Variants in PAX5 observed in about 807,000 individuals in gnomAD.
PAX5 encodes the protein paired box 5, also known as paired box protein Pax-5.
PAX5 carries 9 observed loss-of-function variants against 43.7 expected under a neutral mutation model. The observed-to-expected ratio is 0.21, with a 90% CI of 0.12 to 0.36. PAX5 has a LOEUF of 0.36. PAX5 is among the 10% of genes least tolerant of loss of function. The probability of loss-of-function intolerance (pLI) is 1.00; values close to 1 mark genes in which losing one functional copy is unlikely to be tolerated. For missense variants in PAX5, 383 were observed against 532.7 expected, an observed-to-expected ratio of 0.72 and a Z score of 2.77; for synonymous variants, 228 against 214.3, an observed-to-expected ratio of 1.06 and a Z score of -0.56.
At chr9:36,848,514 C>G (rs1165220694) in intron 8 of PAX5, among the ~76,000 whole-genome samples, 2 of 152,154 alleles carry the variant, frequency 1.3e-5, no homozygotes, top group Non-Finnish European at 2.9e-5. Context: ...AGCCCGATGA[C>G]AGTGGGCTGC....
chr9:36,924,599 A>G (rs903736505), intron 6 of PAX5, among the ~76,000 whole-genome samples: 2 of 151,596 alleles, frequency 1.3e-5, no homozygotes, highest in African/African-American at 4.9e-5. Context: ...TTTCACCTGT[A>G]GTCCCAGCTA....
rs1027506836 is a variant in PAX5, at chr9:37,027,083, G to T, written c.47-6282C>A. Among the ~76,000 whole-genome samples the T allele has an allele frequency of 1.6e-4, 25 of 152,332 alleles. 1 individual carries two copies. Among genetic ancestry groups the T allele is most frequent in the African/African-American group, 4.6e-4 (19 of 41,578 alleles). The stretch of plus-strand genomic sequence containing the variant: ...GTCCCTCCTCGACCCCTCGGTCTCC[G>T]CCAGATCCTTTCTTTCTCTGCTTCT... On this transcript the variant is annotated intron_variant, in intron 1 of 9. Transcript: ENST00000358127.
intron 7 of PAX5, among the ~76,000 whole-genome samples, chr9:36,890,577 C>T (rs1827293363): frequency 6.6e-6 from 1 of 152,170 alleles, no homozygotes; most frequent in South Asian, 2.1e-4. Flanking sequence ...AATACTCAAG[C>T]AGTGGGAACA....
chr9:36,889,870 C>T (rs1389632838), intron 7 of PAX5, among the ~76,000 whole-genome samples: 1 of 145,868 alleles, frequency 6.9e-6, no homozygotes, highest in Non-Finnish European at 1.5e-5. Context: ...TCAGTTTTTG[C>T]TTAGACGCAA....
At chr9:36,942,925 A>C (rs1229657299) in intron 6 of PAX5, among the ~76,000 whole-genome samples, 1 of 152,110 alleles carries the variant, frequency 6.6e-6, no homozygotes, top group Non-Finnish European at 1.5e-5. Flanking sequence ...GCTACCCTAC[A>C]AGGCTGCAAG....
intron 6 of PAX5, among the ~76,000 whole-genome samples, chr9:36,930,216 CT>C (rs144710055): frequency 0.017 from 1,430 of 85,440 alleles, 7 homozygotes; most frequent in African/African-American, 0.04. Context: ...GATGGATGTC[CT>C]TTTTTTTTTT....
intron 5 of PAX5, among the ~76,000 whole-genome samples, chr9:37,001,981 A>G (rs1313372021): frequency 1.3e-5 from 2 of 151,974 alleles, no homozygotes; most frequent in African/African-American, 4.8e-5. Context: ...CTGGCTCTGG[A>G]GACCCAGGCA....
intron 9 of PAX5, 32 bp downstream of exon 9, chr9:36,846,810 CA>C: frequency 1.9e-6 from 3 of 1,540,704 alleles, no homozygotes; most frequent in Non-Finnish European, 2.7e-6. Context: ...GCTGATGGCC[CA>C]AGGGCCCCGC....
chr9:36,966,416 A>G, intron 6 of PAX5, 133 bp downstream of exon 6: 1 of 942,652 alleles, frequency 1.1e-6, no homozygotes, highest in South Asian at 1.8e-5. Context: ...TTGGCCAAGA[A>G]CACTGAAGAG....
chr9:36,919,839 C>CAAAAAAAAAAAA (rs61173333), intron 7 of PAX5, among the ~76,000 whole-genome samples: 4 of 66,210 alleles, frequency 6.0e-5, no homozygotes, highest in Non-Finnish European at 1.1e-4. Flanking sequence ...GACTCTGTCT[C>CAAAAAAAAAAAA]AAAAAAAAAA....
intron 7 of PAX5, among the ~76,000 whole-genome samples, chr9:36,896,457 G>C (rs1190789352): frequency 6.6e-6 from 1 of 151,970 alleles, no homozygotes; most frequent in East Asian, 1.9e-4. Context: ...GGAAAACCAA[G>C]CCCATCCCAC....
chr9:36,922,224 T>C (rs1563969761), intron 7 of PAX5, among the ~76,000 whole-genome samples: 1 of 152,146 alleles, frequency 6.6e-6, no homozygotes, highest in South Asian at 2.1e-4. Flanking sequence ...ACTGTTCTAA[T>C]CCGAGTCTAA....
At chr9:36,955,912 G>A (rs960346637) in intron 6 of PAX5, among the ~76,000 whole-genome samples, 5 of 151,626 alleles carry the variant, frequency 3.3e-5, no homozygotes, top group East Asian at 1.9e-4. Context: ...AGAAATCTAC[G>A]TTCTTTTTTA....
At chr9:37,025,513 G>A (rs983754272) in intron 1 of PAX5, among the ~76,000 whole-genome samples, 1 of 152,176 alleles carries the variant, frequency 6.6e-6, no homozygotes, top group Admixed American at 6.5e-5. Context: ...ACCCCGAGCG[G>A]CACCCGAGCC....
At chr9:36,891,869 C>T (rs1022795858) in intron 7 of PAX5, among the ~76,000 whole-genome samples, 1 of 152,220 alleles carries the variant, frequency 6.6e-6, no homozygotes, top group African/African-American at 2.4e-5. Flanking sequence ...TCAGAATCCA[C>T]TAACCAGGGA....
rs1192197351 is a variant in PAX5 at position 37,017,998 on chromosome 9, G to A, written c.212+2638C>T. ...AACACACAATGTCCTTCGGTGCAAAGAGCATTAGTTTAGTAATCAAGAGGT... is the reference window on the plus strand; with the variant it reads ...AACACACAATGTCCTTCGGTGCAAAAAGCATTAGTTTAGTAATCAAGAGGT... On this transcript the variant is annotated intron_variant, in intron 2 of 9. Transcript: ENST00000358127. Among the ~76,000 whole-genome samples, 6 of 152,312 alleles carry A rather than the reference G, an allele frequency of 3.9e-5. No homozygotes were observed. The South Asian group carries it at 1.2e-3, about 32-fold the overall frequency.
chr9:36,991,404 G>A (rs991246340), intron 5 of PAX5, among the ~76,000 whole-genome samples: 6 of 152,058 alleles, frequency 3.9e-5, no homozygotes, highest in Middle Eastern at 3.4e-3. Context: ...TTTAATATGC[G>A]GAAAACAAGG....
intron 5 of PAX5, among the ~76,000 whole-genome samples, chr9:36,967,338 C>T (rs1431717875): frequency 2.0e-5 from 3 of 152,164 alleles, no homozygotes; most frequent in Admixed American, 6.5e-5. Context: ...TTTGATATAG[C>T]GATTGCACTT....
intron 6 of PAX5, among the ~76,000 whole-genome samples, chr9:36,944,908 T>A (rs1052568177): frequency 6.6e-6 from 1 of 152,228 alleles, no homozygotes; most frequent in Admixed American, 6.5e-5. Flanking sequence ...TCTGTGCCTA[T>A]GGTTAAACAC....
Sources: gnomAD v4.1 joint callset for allele counts (sites outside exome capture counted in the v4.1 genomes callset) on GRCh38, gnomAD v4.1.1 for gene constraint, MANE v1.5 for transcripts, NCBI Gene and HGNC (gene_info 2026-07-23, HGNC 2026-07-21) for gene names.